STAP2: variants seen among roughly 807,000 people sequenced by gnomAD.
The protein encoded by STAP2 is signal transducing adaptor family member 2.
A neutral mutation model predicts 52.7 loss-of-function variants in STAP2; 58 were observed. That is an observed-to-expected ratio of 1.10 (90% confidence interval 0.89 to 1.37). The LOEUF (loss-of-function observed/expected upper bound fraction) is 1.37, where lower values mean the gene tolerates loss of function less well. Ranked by LOEUF, STAP2 falls within the 40% of genes most tolerant of loss-of-function variation. The pLI is 0.00. For synonymous variants in STAP2, 231 were observed against 210.5 expected (o/e 1.10, Z -0.84); for missense variants, 522 against 519.4 (o/e 1.00, Z -0.05).
rs1163579720 is a variant in STAP2 at position 4,333,836 on chromosome 19, G to C, written c.175-20C>G. The C allele has an allele frequency of 2.5e-6, 4 of 1,613,732 alleles. No individual in the cohort carries two copies. The highest frequency in any genetic ancestry group is 3.4e-6 in the Non-Finnish European group (4 of 1,179,898). On this transcript the variant is annotated intron_variant, in intron 2 of 12. Coordinates refer to ENST00000594605, the MANE Select transcript of STAP2 (RefSeq NM_001013841.2). ...CACGTGCTGGGGGCATAGAAGCAGG[G>C]GATCTGGGCACCAGTTCCTTGGCCT...
chr19:4,325,618 G>T, intron 9 of STAP2, 73 bp from the exon 10 acceptor site: 2 of 1,485,302 alleles, frequency 1.3e-6, no homozygotes, highest in South Asian at 2.6e-5. Context: ...GGGGGGGTCT[G>T]TGTGCATGCC....
At chr19:4,327,063 G>C in intron 8 of STAP2, 56 bp from the exon 9 acceptor site, 2 of 1,606,388 alleles carry the variant, frequency 1.2e-6, no homozygotes, top group Non-Finnish European at 1.7e-6. Context: ...GGCCCGGTCC[G>C]TCCGAGCGGG....
Position 4,325,237 on chromosome 19 carries a change from G to C in STAP2, c.1051C>G (p.Pro351Ala). The C allele has an allele frequency of 6.3e-7, 1 of 1,598,956 alleles. No homozygotes were observed. Among genetic ancestry groups the C allele is most frequent in the Non-Finnish European group, 8.5e-7 (1 of 1,172,746 alleles). Residue 351 changes from proline (P) to alanine (A), a missense_variant, in exon 11 of 13, where the codon CCA (proline) becomes GCA (alanine). Physicochemically the swap from Pro to Ala is conservative, Grantham distance 27. Coordinates refer to ENST00000594605, the MANE Select transcript of STAP2 (RefSeq NM_001013841.2). ...CAACCTGGCTTGGGTCCAACGGGTG[G>C]CTTTGGAAGCTTGGCAGGAGGCTTT... Reference protein sequence around the residue: ...LPKPPAKLPKPPVGPKPEPKV... With the variant: ...LPKPPAKLPKAPVGPKPEPKV...
intron 6 of STAP2, 45 bp downstream of exon 6, chr19:4,328,630 T>TTC: frequency 6.5e-7 from 1 of 1,541,498 alleles, no homozygotes; most frequent in Non-Finnish European, 8.8e-7. Context: ...CCCACCCTCT[T>TTC]CCCACCCTCC....
At chr19:4,333,178 G>A (rs529226454) in intron 3 of STAP2, among the ~76,000 whole-genome samples, 74 of 148,808 alleles carry the variant, frequency 5.0e-4, no homozygotes, top group African/African-American at 1.6e-3. Flanking sequence ...TGATAAGAGC[G>A]AAACTCAAAA....
chr19:4,329,806 A>ACTCCCC (rs1233971801), intron 5 of STAP2, among the ~76,000 whole-genome samples, 155 bp downstream of exon 5: 2 of 148,076 alleles, frequency 1.4e-5, no homozygotes, highest in Non-Finnish European at 3.0e-5. Context: ...ATGGGCCATA[A>ACTCCCC]CTCCCCCTCC....
intron 9 of STAP2, among the ~76,000 whole-genome samples, chr19:4,326,174 A>G (rs1449203554): frequency 1.3e-5 from 2 of 152,154 alleles, no homozygotes. Context: ...CGGTGCACGG[A>G]CGTATCTGCA....
At position 4,328,743 on chromosome 19, in the gene STAP2, G is replaced by C; in HGVS notation, c.522C>G (p.Asn174Lys). ...CGTCCCCGCTGGGCCGCAGCAGCAGGTTCCCGCACTCGGGGTAGCGCTCCA... is the reference window on the plus strand; with the variant it reads ...CGTCCCCGCTGGGCCGCAGCAGCAGCTTCCCGCACTCGGGGTAGCGCTCCA... ...LLLERYPECGNLLLRPSGDGA... is the reference protein window; with the variant it reads ...LLLERYPECGKLLLRPSGDGA... Residue 174 changes from asparagine (N) to lysine (K), a missense_variant, in exon 6 of 13, where the codon AAC (asparagine) becomes AAG (lysine). Asn to Lys is a moderately conservative substitution (Grantham distance 94). Coordinates refer to ENST00000594605, the MANE Select transcript of STAP2 (RefSeq NM_001013841.2). 1 of 1,610,346 alleles carries C rather than the reference G, an allele frequency of 6.2e-7. No homozygotes were observed. Among genetic ancestry groups the C allele is most frequent in the Non-Finnish European group, 8.5e-7 (1 of 1,178,922 alleles).
chr19:4,326,951 G>C lies in STAP2; in HGVS notation c.820C>G (p.Pro274Ala), dbSNP rs201146262. 6.9e-5 allele frequency: 107 copies of C among 1,551,562 alleles called. No homozygotes were observed. The highest frequency in any genetic ancestry group is 2.9e-4 in the African/African-American group (21 of 73,166). Reference sequence around the variant, plus strand: ...GGGAAGGGGGCGTCACCTGGGCCCGGAGCGGAGGGCGCCACCCACACATTC... The same window carrying C: ...GGGAAGGGGGCGTCACCTGGGCCCGCAGCGGAGGGCGCCACCCACACATTC... ...GENVWVAPSAPGPGPAPCTGG... is the reference protein window; with the variant it reads ...GENVWVAPSAAGPGPAPCTGG... Residue 274 changes from proline (P) to alanine (A), a missense_variant, in exon 9 of 13, where the codon CCG becomes GCG. By Grantham distance (27) the Pro-to-Ala change is conservative. Coordinates refer to ENST00000594605, the MANE Select transcript of STAP2 (RefSeq NM_001013841.2).
chr19:4,330,292 G>A (rs927523378), intron 4 of STAP2, among the ~76,000 whole-genome samples: 1 of 151,810 alleles, frequency 6.6e-6, no homozygotes, highest in Non-Finnish European at 1.5e-5. Flanking sequence ...AGGCCGAGGC[G>A]GGCGGATCAC....
In STAP2 at chr19:4,325,421, T is replaced by G; in HGVS notation, c.954A>C (p.Pro318=). ...ENYVTPIGDG[P]AVDYENQDVA... ...CATCTTGGTTCTCATAGTCAACAGC[T>G]GGGCCATCTCCAATGGGGGTCACGT... Residue 318 remains proline (P), a synonymous_variant, in exon 10 of 13, where the codon CCA becomes CCC. Transcript: ENST00000594605. The G allele has an allele frequency of 6.2e-7, 1 of 1,614,202 alleles. No homozygotes were observed. Among genetic ancestry groups the G allele is most frequent in the Non-Finnish European group, 8.5e-7 (1 of 1,180,022 alleles).
chr19:4,334,940 CCACT>C (rs1971956562), intron 1 of STAP2, among the ~76,000 whole-genome samples: 1 of 108,412 alleles, frequency 9.2e-6, no homozygotes, highest in African/African-American at 3.5e-5. Flanking sequence ...ATCCATCCAT[CCACT>C]CACCGTCCAT....
At position 4,329,960 on chromosome 19, in the gene STAP2, C is replaced by A. The variant is rs751084252; in HGVS notation, c.455+1G>T. On this transcript the variant is annotated splice_donor_variant, in intron 5 of 12. Transcript: ENST00000594605. LOFTEE classifies it high-confidence loss of function. The stretch of plus-strand genomic sequence containing the variant: ...CCCCTCGGGACAGGCGGGACACTCA[C>A]GAGGGTGTCTCCAGTGCACGGCGCG... The A allele has an allele frequency of 2.5e-6, 4 of 1,612,422 alleles. No homozygotes were observed. The highest frequency in any genetic ancestry group is 2.5e-6 in the Non-Finnish European group (3 of 1,179,416).
chr19:4,330,113 G>T (rs751701108), intron 4 of STAP2, 52 bp from the exon 5 acceptor site: 4 of 1,458,246 alleles, frequency 2.7e-6, no homozygotes, highest in Non-Finnish European at 3.8e-6. Context: ...GGGAATGGAC[G>T]GCTGTGCCCA....
intron 4 of STAP2, among the ~76,000 whole-genome samples, chr19:4,331,191 G>A (rs987063562): frequency 6.6e-6 from 1 of 151,760 alleles, no homozygotes; most frequent in Non-Finnish European, 1.5e-5. Context: ...TTAGTCAGAT[G>A]TGGTAGTGTG....
chr19:4,327,052 C>A (rs1266986561), intron 8 of STAP2, 45 bp from the exon 9 acceptor site: 1 of 1,599,308 alleles, frequency 6.3e-7, no homozygotes, highest in Non-Finnish European at 8.5e-7. Context: ...CGGCCAGGGG[C>A]GGCCCGGTCC....
intron 1 of STAP2, among the ~76,000 whole-genome samples, chr19:4,337,357 G>A (rs1429213067): frequency 2.0e-5 from 3 of 150,670 alleles, no homozygotes; most frequent in Non-Finnish European, 3.0e-5. Flanking sequence ...TCAGCCTCCA[G>A]AGTAGCTGGG....
chr19:4,330,957 C>A (rs909865662), intron 4 of STAP2, among the ~76,000 whole-genome samples: 1 of 151,932 alleles, frequency 6.6e-6, no homozygotes, highest in African/African-American at 2.4e-5. Context: ...TCATGATCTG[C>A]CAGCCTCGGC....
intron 1 of STAP2, among the ~76,000 whole-genome samples, chr19:4,337,441 A>G (rs1364251884): frequency 6.7e-6 from 1 of 149,764 alleles, no homozygotes; most frequent in African/African-American, 2.4e-5. Flanking sequence ...CATATTGGCC[A>G]GGCTGGTCTC....
Sources: gnomAD v4.1 joint callset for allele counts (sites outside exome capture counted in the v4.1 genomes callset) on GRCh38, gnomAD v4.1.1 for gene constraint, MANE v1.5 for transcripts, NCBI Gene and HGNC (gene_info 2026-07-23, HGNC 2026-07-21) for gene names.